The following KIRREL3 variants were observed in gnomAD, a reference collection of about 807,000 sequenced individuals.
KIRREL3 encodes kirre like nephrin family adhesion molecule 3, also known as kin of IRRE-like protein 3.
KIRREL3 carries 36 observed loss-of-function variants against 89.7 expected under a neutral mutation model. That is an observed-to-expected ratio of 0.40 (90% CI 0.31 to 0.53). The LOEUF (loss-of-function observed/expected upper bound fraction) is 0.53, where lower values mean the gene tolerates loss of function less well. Ranked by LOEUF, KIRREL3 falls within the 20% of genes least tolerant of loss-of-function variation. KIRREL3 has a pLI of 0.49. For missense variants in KIRREL3, 864 were observed against 1,056.6 expected (o/e 0.82, Z 2.53); for synonymous variants, 445 against 441.4 (o/e 1.01, Z -0.10).
intron 1 of KIRREL3, among the ~76,000 whole-genome samples, chr11:126,855,586 T>C (rs1282875473): frequency 1.3e-5 from 2 of 152,224 alleles, no homozygotes; most frequent in African/African-American, 4.8e-5. Context: ...AACTGCTTCA[T>C]GAAAAGTAGC....
chr11:126,622,352 G>A lies in KIRREL3; in HGVS notation c.56-59440C>T, dbSNP rs889355038. On this transcript the variant is annotated intron_variant, in intron 1 of 16. Coordinates refer to ENST00000525144, the MANE Select transcript of KIRREL3 (RefSeq NM_032531.4). The surrounding 1 kb of genome is among the most constrained non-coding windows in gnomAD (Gnocchi z 5.2). ...TTGCATCCCCATTCTCTGGATTTGG[G>A]GTCATTCTCTTGCCTTGGAGTCTGG... 3.3e-5 allele frequency among the ~76,000 whole-genome samples: 5 copies of A among 152,122 alleles called. No homozygotes were observed. The highest frequency in any genetic ancestry group is 1.2e-4 in the African/African-American group (5 of 41,426).
chr11:126,801,143 T>A, intron 1 of KIRREL3, among the ~76,000 whole-genome samples: 1 of 152,244 alleles, frequency 6.6e-6, no homozygotes, highest in East Asian at 1.9e-4. Context: ...AAATATATTC[T>A]GCATAATTGG....
At position 126,424,411 on chromosome 11, in the gene KIRREL3, AG is replaced by A; in HGVS notation, c.*168del. Reference sequence around the variant, plus strand: ...TCTGGCACACAGCACCTGGGGACCCAGATTTGTGCTTGATCAGAGCTTCGAA... The same window carrying A: ...TCTGGCACACAGCACCTGGGGACCCAATTTGTGCTTGATCAGAGCTTCGAA... On this transcript the variant is annotated 3_prime_UTR_variant, in exon 17 of 17. Transcript: ENST00000525144. 5.0e-6 allele frequency: 2 copies of A among 401,840 alleles called. No individual in the cohort carries two copies. Among genetic ancestry groups the A allele is most frequent in the African/African-American group, 2.1e-5 (1 of 47,012 alleles). The allele number at this position is 401,840 out of a possible 1,614,324, so 24.9% of individuals were successfully genotyped here.
In KIRREL3 at chr11:126,516,170, T is replaced by A. The variant is rs1201241452; in HGVS notation, c.433+5145A>T. On this transcript the variant is annotated intron_variant, in intron 4 of 16. Coordinates refer to ENST00000525144, the MANE Select transcript of KIRREL3 (RefSeq NM_032531.4). The surrounding 1 kb of genome is among the most constrained non-coding windows in gnomAD (Gnocchi z 4.9). ...TCAGTATTTGGGGCTTGACATCATT[T>A]AAAAAGATGCCCTCTTTATTTGAAT... Among the ~76,000 whole-genome samples, 1 of 152,218 alleles carries A rather than the reference T, an allele frequency of 6.6e-6. No individual in the cohort carries two copies. The highest frequency in any genetic ancestry group is 2.4e-5 in the African/African-American group (1 of 41,456).
At chr11:126,713,046 G>T (rs1279029156) in intron 1 of KIRREL3, among the ~76,000 whole-genome samples, 1 of 152,190 alleles carries the variant, frequency 6.6e-6, no homozygotes, top group Non-Finnish European at 1.5e-5. Flanking sequence ...TCTCATAGGA[G>T]TGGCAGATAG....
chr11:126,430,452 A>C lies in KIRREL3; in HGVS notation c.1696+967T>G, dbSNP rs987457673. ...AGAGAGAGACCCTATATAAAAAAAA[A>C]CCGTATATATATGTGTATATATGCG... is the stretch of plus-strand genomic sequence containing the variant. On this transcript the variant is annotated intron_variant, in intron 14 of 16. Transcript: ENST00000525144. The surrounding 1 kb of genome is among the most constrained non-coding windows in gnomAD (Gnocchi z 6.6). 3.3e-5 allele frequency among the ~76,000 whole-genome samples: 5 copies of C among 152,102 alleles called. No homozygotes were observed. Among genetic ancestry groups the C allele is most frequent in the African/African-American group, 7.2e-5 (3 of 41,424 alleles).
At position 126,999,527 on chromosome 11, in the gene KIRREL3, G is replaced by A. The variant is rs757364975; in HGVS notation, c.55+928C>T. Among the ~76,000 whole-genome samples the A allele has an allele frequency of 1.3e-5, 2 of 152,214 alleles. No individual in the cohort carries two copies. The highest frequency in any genetic ancestry group is 2.9e-5 in the Non-Finnish European group (2 of 68,028). On this transcript the variant is annotated intron_variant, in intron 1 of 16. Coordinates refer to ENST00000525144, the MANE Select transcript of KIRREL3 (RefSeq NM_032531.4). This position sits in a 1 kb window ranked among gnomAD's most constrained non-coding sequence, Gnocchi z 5.7. ...GCACCTCTAAGAGCTGTGTTGGCTG[G>A]CACAAATGCAGCCTCAGATGGCAGA...
At chr11:126,716,942 G>A (rs879579164) in intron 1 of KIRREL3, among the ~76,000 whole-genome samples, 3 of 152,112 alleles carry the variant, frequency 2.0e-5, no homozygotes, top group Non-Finnish European at 4.4e-5. Context: ...GCCTAGGGCA[G>A]GCATAGAGCT....
At chr11:126,448,950 T>A in intron 8 of KIRREL3, 59 bp downstream of exon 8, 1 of 1,522,094 alleles carries the variant, frequency 6.6e-7, no homozygotes, top group Non-Finnish European at 8.9e-7. Context: ...TTTCTCCAGC[T>A]CTAAGCAGAA....
Position 126,736,691 on chromosome 11 carries a change from C to A in KIRREL3, c.56-173779G>T, listed in dbSNP as rs1948812316. ...CCCCCATGACAAGGATTATCCTACC[C>A]AAAACGTCATTCGTGCTGAGGTTGA... On this transcript the variant is annotated intron_variant, in intron 1 of 16. Coordinates refer to ENST00000525144, the MANE Select transcript of KIRREL3 (RefSeq NM_032531.4). The surrounding 1 kb of genome is among the most constrained non-coding windows in gnomAD (Gnocchi z 5.0). Among the ~76,000 whole-genome samples the A allele has an allele frequency of 6.6e-6, 1 of 152,192 alleles. No homozygotes were observed. The highest frequency in any genetic ancestry group is 1.5e-5 in the Non-Finnish European group (1 of 68,040).
chr11:126,712,652 T>C (rs912857178), intron 1 of KIRREL3, among the ~76,000 whole-genome samples: 9 of 152,156 alleles, frequency 5.9e-5, no homozygotes, highest in Non-Finnish European at 1.2e-4. Context: ...ACTCATGGTG[T>C]GAGTCTCAAG....
Position 126,993,691 on chromosome 11 carries a change from G to A in KIRREL3, c.55+6764C>T, listed in dbSNP as rs1378238332. Among the ~76,000 whole-genome samples the A allele has an allele frequency of 6.6e-6, 1 of 152,178 alleles. No homozygotes were observed. Among genetic ancestry groups the A allele is most frequent in the Non-Finnish European group, 1.5e-5 (1 of 68,044 alleles). On this transcript the variant is annotated intron_variant, in intron 1 of 16. Coordinates refer to ENST00000525144, the MANE Select transcript of KIRREL3 (RefSeq NM_032531.4). The surrounding 1 kb of genome is among the most constrained non-coding windows in gnomAD (Gnocchi z 6.1). ...ACTGCATAGGAGGCCCACAGTGAGT[G>A]CTGGCTGAGTGGTCAAGGGCTGAGC...
chr11:126,654,622 G>T (rs1019332382), intron 1 of KIRREL3, among the ~76,000 whole-genome samples: 5 of 152,044 alleles, frequency 3.3e-5, no homozygotes, highest in African/African-American at 1.2e-4. Flanking sequence ...CTAATGCTAT[G>T]TCCTGCATCT....
intron 1 of KIRREL3, among the ~76,000 whole-genome samples, chr11:126,826,547 C>T (rs1258216246): frequency 1.3e-5 from 2 of 152,168 alleles, no homozygotes; most frequent in African/African-American, 4.8e-5. Context: ...GACTTCCTCT[C>T]GGCCTGCTTT....
intron 1 of KIRREL3, among the ~76,000 whole-genome samples, chr11:126,603,144 C>G (rs1483369095): frequency 6.6e-6 from 1 of 152,218 alleles, no homozygotes; most frequent in Non-Finnish European, 1.5e-5. Context: ...TTTAGAGATG[C>G]CCCTACAGAT....
rs980929408 is a variant in KIRREL3, at chr11:126,772,966, G to T, written c.56-210054C>A. Among the ~76,000 whole-genome samples the T allele has an allele frequency of 6.6e-6, 1 of 152,192 alleles. No individual in the cohort carries two copies. On this transcript the variant is annotated intron_variant, in intron 1 of 16. Coordinates refer to ENST00000525144, the MANE Select transcript of KIRREL3 (RefSeq NM_032531.4). The surrounding 1 kb of genome is among the most constrained non-coding windows in gnomAD (Gnocchi z 4.6). ...CTGTCATGTGGACTAAGGTAGGGGT[G>T]AGCAAGCTATGGAAACATTTAGTGA...
rs2134348833 is a variant in KIRREL3, at chr11:126,495,182, TGGA to T, written c.434-21719_434-21717del. 6.6e-6 allele frequency among the ~76,000 whole-genome samples: 1 copy of T among 152,286 alleles called. No individual in the cohort carries two copies. The highest frequency in any genetic ancestry group is 2.4e-5 in the African/African-American group (1 of 41,562). On this transcript the variant is annotated intron_variant, in intron 4 of 16. Coordinates refer to ENST00000525144, the MANE Select transcript of KIRREL3 (RefSeq NM_032531.4). The surrounding 1 kb of genome is among the most constrained non-coding windows in gnomAD (Gnocchi z 6.5). Reference sequence around the variant, plus strand: ...GACTAGCAGGAAGGGAGGAGACAGATGGAGGAGGACACTTAGGGCAGGGCCTGC... The same window carrying T: ...GACTAGCAGGAAGGGAGGAGACAGATGGAGGACACTTAGGGCAGGGCCTGC...
intron 1 of KIRREL3, among the ~76,000 whole-genome samples, chr11:126,827,532 T>C (rs1056429426): frequency 6.6e-6 from 1 of 152,182 alleles, no homozygotes; most frequent in Non-Finnish European, 1.5e-5. Context: ...TAGAGAATGA[T>C]AATATTGCCT....
Position 126,607,655 on chromosome 11 carries a change from C to T in KIRREL3, c.56-44743G>A, listed in dbSNP as rs1942945151. On this transcript the variant is annotated intron_variant, in intron 1 of 16. Coordinates refer to ENST00000525144, the MANE Select transcript of KIRREL3 (RefSeq NM_032531.4). This position sits in a 1 kb window ranked among gnomAD's most constrained non-coding sequence, Gnocchi z 6.6. ...TGAGTTGTAACACTTAGGGCAGCTG[C>T]TAGCGAGGACAAAACAAAGCTTCCC... 6.6e-6 allele frequency among the ~76,000 whole-genome samples: 1 copy of T among 152,176 alleles called. No homozygotes were observed. The highest frequency in any genetic ancestry group is 2.4e-5 in the African/African-American group (1 of 41,438).
Sources: gnomAD v4.1 joint callset for allele counts (sites outside exome capture counted in the v4.1 genomes callset) on GRCh38, gnomAD v4.1.1 for gene constraint, Gnocchi (gnomAD v3.1) non-coding constraint, MANE v1.5 for transcripts, NCBI Gene and HGNC (gene_info 2026-07-23, HGNC 2026-07-21) for gene names.